The following DPP10 variants were observed in gnomAD, a reference collection of about 807,000 sequenced individuals.
DPP10 encodes inactive dipeptidyl peptidase 10.
DPP10 carries 33 observed loss-of-function variants against 120.9 expected under a neutral mutation model. The observed-to-expected ratio is 0.27, with a 90% CI of 0.21 to 0.37. DPP10 has a LOEUF of 0.37. DPP10 is among the 10% of genes least tolerant of loss of function. The pLI is 1.00. For missense variants in DPP10, 816 were observed against 942.8 expected, an observed-to-expected ratio of 0.87 and a Z score of 1.76; for synonymous variants, 337 against 326.1, an observed-to-expected ratio of 1.03 and a Z score of -0.36.
intron 3 of DPP10, among the ~76,000 whole-genome samples, chr2:115,382,122 C>G (rs1019974879): frequency 1.3e-5 from 2 of 152,204 alleles, no homozygotes; most frequent in Non-Finnish European, 2.9e-5. Flanking sequence ...TTTACCTAAG[C>G]AAGCCTGGGC....
intron 5 of DPP10, among the ~76,000 whole-genome samples, chr2:115,681,885 T>C (rs2090686657): frequency 6.6e-6 from 1 of 151,662 alleles, no homozygotes; most frequent in Non-Finnish European, 1.5e-5. Flanking sequence ...CAAGCTAAGA[T>C]TTGATCCTAT....
chr2:115,195,059 G>T (rs1217673719), intron 1 of DPP10, among the ~76,000 whole-genome samples: 1 of 152,126 alleles, frequency 6.6e-6, no homozygotes, highest in East Asian at 1.9e-4. Flanking sequence ...TTCAGTGTGC[G>T]CTCATGATGA....
chr2:115,543,133 A>C (rs1284477087), intron 5 of DPP10, among the ~76,000 whole-genome samples: 1 of 151,960 alleles, frequency 6.6e-6, no homozygotes, highest in African/African-American at 2.4e-5. Flanking sequence ...AAGAACAGAG[A>C]TAGCACCTCG....
chr2:115,297,154 GTA>G (rs2060922331), intron 1 of DPP10: 1 of 189,060 alleles, frequency 5.3e-6, no homozygotes, highest in African/African-American at 2.3e-5. Flanking sequence ...GCATGAGCCT[GTA>G]TTATATCTAC....
intron 1 of DPP10, among the ~76,000 whole-genome samples, chr2:115,218,655 G>C (rs772170134): frequency 1.3e-5 from 2 of 152,032 alleles, no homozygotes; most frequent in Non-Finnish European, 2.9e-5. Flanking sequence ...AGTGAAATGT[G>C]TGGCTCTCTT....
chr2:114,681,223 T>C (rs1473129405), intron 1 of DPP10, among the ~76,000 whole-genome samples: 1 of 152,002 alleles, frequency 6.6e-6, no homozygotes, highest in Non-Finnish European at 1.5e-5. Flanking sequence ...AACACCATCA[T>C]GCCATACAGT....
chr2:115,630,293 A>C (rs1453559846), intron 5 of DPP10, among the ~76,000 whole-genome samples: 1 of 152,144 alleles, frequency 6.6e-6, no homozygotes, highest in African/African-American at 2.4e-5. Context: ...TATGAGCTTA[A>C]GAAGTTTTTA....
At chr2:115,411,223 T>C (rs1232633619) in intron 3 of DPP10, among the ~76,000 whole-genome samples, 1 of 152,002 alleles carries the variant, frequency 6.6e-6, no homozygotes. Context: ...TCTCAGCTAC[T>C]TGGGAGGCTG....
chr2:115,183,984 A>C (rs2054258279), intron 1 of DPP10, among the ~76,000 whole-genome samples: 1 of 152,190 alleles, frequency 6.6e-6, no homozygotes, highest in South Asian at 2.1e-4. Context: ...GAGGTGCACA[A>C]GCCAAACTAA....
At chr2:115,454,734 A>T (rs2073386910) in intron 3 of DPP10, among the ~76,000 whole-genome samples, 1 of 151,728 alleles carries the variant, frequency 6.6e-6, no homozygotes, top group Non-Finnish European at 1.5e-5. Flanking sequence ...TGCATTAAAA[A>T]GGAAAAAAAA....
intron 1 of DPP10, among the ~76,000 whole-genome samples, chr2:115,190,696 A>G (rs1327432980): frequency 2.0e-5 from 3 of 152,182 alleles, no homozygotes; most frequent in Admixed American, 6.5e-5. Context: ...TCATCGCCCC[A>G]GGCTGTGGGG....
At chr2:115,633,871 G>C (rs569543594) in intron 5 of DPP10, among the ~76,000 whole-genome samples, 1 of 152,070 alleles carries the variant, frequency 6.6e-6, no homozygotes, top group African/African-American at 2.4e-5. Context: ...ATATCCTGAC[G>C]TATGTTTTAC....
rs1215186589 is a variant in DPP10 at position 115,608,567 on chromosome 2, G to A, written c.442-81120G>A. The stretch of plus-strand genomic sequence containing the variant: ...CAAATAAAATGGGGACAATTATTTG[G>A]AACAACTAATGTTGTTCTGGTCACT... On this transcript the variant is annotated intron_variant, in intron 5 of 25. Transcript: ENST00000410059. Among the ~76,000 whole-genome samples the A allele has an allele frequency of 2.0e-5, 3 of 152,212 alleles. No homozygotes were observed. The South Asian group carries it at 6.2e-4, about 32-fold the overall frequency.
intron 21 of DPP10, among the ~76,000 whole-genome samples, chr2:115,817,588 G>C (rs6732966): frequency 0.36 from 54,960 of 151,992 alleles, 10,209 homozygotes; most frequent in Middle Eastern, 0.48. Flanking sequence ...CAACAGATAA[G>C]TAAAAATATT....
intron 1 of DPP10, among the ~76,000 whole-genome samples, chr2:115,167,047 A>G (rs559701466): frequency 5.9e-5 from 9 of 152,300 alleles, no homozygotes; most frequent in African/African-American, 1.9e-4. Context: ...AGTCAAGTTC[A>G]TATCCCAGGT....
intron 1 of DPP10, among the ~76,000 whole-genome samples, chr2:114,939,272 AG>A (rs377562350): frequency 6.7e-4 from 102 of 151,584 alleles, no homozygotes; most frequent in Non-Finnish European, 1.3e-3. Flanking sequence ...AGGTGTTGAA[AG>A]GGGGGGGTGG....
At chr2:115,837,621 G>A (rs1575955485) in intron 24 of DPP10, among the ~76,000 whole-genome samples, 2 of 152,268 alleles carry the variant, frequency 1.3e-5, no homozygotes, top group South Asian at 4.1e-4. Flanking sequence ...TTACAGTGGA[G>A]AAATTTGACA....
At chr2:115,564,431 C>CA (rs1372655799) in intron 5 of DPP10, among the ~76,000 whole-genome samples, 2 of 151,938 alleles carry the variant, frequency 1.3e-5, no homozygotes, top group Non-Finnish European at 2.9e-5. Context: ...GGAAATAGAG[C>CA]CATGTTGTTT....
intron 1 of DPP10, among the ~76,000 whole-genome samples, chr2:114,563,432 A>G (rs1688933402): frequency 6.6e-6 from 1 of 152,084 alleles, no homozygotes; most frequent in South Asian, 2.1e-4. Flanking sequence ...GAGAGTGACT[A>G]CGCTGAAGGG....
Sources: gnomAD v4.1 joint callset for allele counts (sites outside exome capture counted in the v4.1 genomes callset) on GRCh38, gnomAD v4.1.1 for gene constraint, MANE v1.5 for transcripts, NCBI Gene and HGNC (gene_info 2026-07-23, HGNC 2026-07-21) for gene names.